Variants in KCND2 observed in about 807,000 individuals in gnomAD.
The protein encoded by KCND2 is potassium voltage-gated channel subfamily D member 2, also known as A-type voltage-gated potassium channel KCND2.
Under a neutral mutation model 54.4 loss-of-function variants are expected in KCND2, and 16 were observed. The observed-to-expected ratio is 0.29, with a 90% confidence interval of 0.20 to 0.45. The LOEUF (loss-of-function observed/expected upper bound fraction) is 0.45, where lower values mean the gene tolerates loss of function less well. Among genes scored for constraint, KCND2 ranks in the 20% least tolerant of loss-of-function variants. The pLI, the probability that KCND2 is intolerant of heterozygous loss-of-function variation, is 1.00. For synonymous variants in KCND2, 317 were observed against 310.7 expected (o/e 1.02, Z -0.21); for missense variants, 486 against 824.2 (o/e 0.59, Z 5.02).
At chr7:120,285,297 A>C (rs1376439686) in intron 1 of KCND2, among the ~76,000 whole-genome samples, 1 of 152,100 alleles carries the variant, frequency 6.6e-6, no homozygotes, top group Non-Finnish European at 1.5e-5. Flanking sequence ...ATCAAACCTG[A>C]AAATATCTCA....
chr7:120,701,395 C>T (rs1008895537), intron 1 of KCND2, among the ~76,000 whole-genome samples: 1 of 151,518 alleles, frequency 6.6e-6, no homozygotes, highest in Non-Finnish European at 1.5e-5. Flanking sequence ...GAGACTGGAA[C>T]AAGAAGCAAA....
chr7:120,301,638 AATAAT>A (rs1222652375), intron 1 of KCND2, among the ~76,000 whole-genome samples: 1 of 152,134 alleles, frequency 6.6e-6, no homozygotes, highest in Non-Finnish European at 1.5e-5. Flanking sequence ...TCTTTTGAGG[AATAAT>A]ATATTGTAAC....
intron 2 of KCND2, among the ~76,000 whole-genome samples, chr7:120,737,034 T>G: frequency 9.1e-6 from 1 of 109,950 alleles, no homozygotes; most frequent in African/African-American, 4.0e-5. Context: ...TCTGGAAAGC[T>G]TACACACACA....
intron 1 of KCND2, among the ~76,000 whole-genome samples, chr7:120,656,036 T>G (rs1465379446): frequency 1.3e-5 from 2 of 152,174 alleles, no homozygotes; most frequent in East Asian, 3.8e-4. Flanking sequence ...TCCATTTGTT[T>G]AAAATTATAT....
intron 1 of KCND2, among the ~76,000 whole-genome samples, chr7:120,443,753 C>T (rs1801978797): frequency 6.6e-6 from 1 of 151,916 alleles, no homozygotes; most frequent in Non-Finnish European, 1.5e-5. Context: ...CTTTAGTAAG[C>T]CATTCTCTCC....
intron 1 of KCND2, among the ~76,000 whole-genome samples, chr7:120,705,229 C>A (rs1364445425): frequency 6.6e-6 from 1 of 152,150 alleles, no homozygotes; most frequent in African/African-American, 2.4e-5. Context: ...GGCTACATTT[C>A]CTAAGACCTT....
intron 1 of KCND2, among the ~76,000 whole-genome samples, chr7:120,622,821 A>C (rs1489073711): frequency 6.6e-6 from 1 of 151,892 alleles, no homozygotes; most frequent in Non-Finnish European, 1.5e-5. Flanking sequence ...TATGCCCTTT[A>C]CTATCAAACT....
At chr7:120,502,131 G>A (rs1802945434) in intron 1 of KCND2, among the ~76,000 whole-genome samples, 1 of 151,986 alleles carries the variant, frequency 6.6e-6, no homozygotes, top group African/African-American at 2.4e-5. Context: ...GCCTATGGCT[G>A]TTACTGTGTT....
At chr7:120,744,507 A>G (rs1792981146) in intron 4 of KCND2, among the ~76,000 whole-genome samples, 1 of 152,168 alleles carries the variant, frequency 6.6e-6, no homozygotes, top group South Asian at 2.1e-4. Flanking sequence ...TAAGAGAAGG[A>G]AACAGATTGT....
intron 1 of KCND2, among the ~76,000 whole-genome samples, chr7:120,459,085 C>A (rs1474619655): frequency 6.6e-6 from 1 of 152,002 alleles, no homozygotes; most frequent in Non-Finnish European, 1.5e-5. Context: ...TACCTCAGAA[C>A]CTTCCAATGG....
chr7:120,336,341 C>G (rs987389313), intron 1 of KCND2, among the ~76,000 whole-genome samples: 7 of 152,118 alleles, frequency 4.6e-5, no homozygotes, highest in Non-Finnish European at 1.0e-4. Flanking sequence ...AAAATGCCAA[C>G]TTCTCTTTTT....
intron 1 of KCND2, among the ~76,000 whole-genome samples, chr7:120,713,119 T>C (rs1287807815): frequency 6.6e-6 from 1 of 152,136 alleles, no homozygotes; most frequent in Non-Finnish European, 1.5e-5. Context: ...TTATTATAAA[T>C]GTATTTTTCC....
At chr7:120,284,173 C>A (rs1799304956) in intron 1 of KCND2, among the ~76,000 whole-genome samples, 1 of 152,072 alleles carries the variant, frequency 6.6e-6, no homozygotes, top group Admixed American at 6.6e-5. Context: ...CTTTAGCATG[C>A]TGTTTCCATG....
At chr7:120,584,144 A>T (rs1792557720) in intron 1 of KCND2, among the ~76,000 whole-genome samples, 1 of 152,250 alleles carries the variant, frequency 6.6e-6, no homozygotes, top group Non-Finnish European at 1.5e-5. Flanking sequence ...TATGGAGCTC[A>T]TGCTGTAATA....
chr7:120,460,454 C>T (rs979759670), intron 1 of KCND2, among the ~76,000 whole-genome samples: 1 of 151,912 alleles, frequency 6.6e-6, no homozygotes, highest in South Asian at 2.1e-4. Context: ...AGTATCTCTT[C>T]AAGCATCAGG....
intron 1 of KCND2, among the ~76,000 whole-genome samples, chr7:120,558,725 G>A (rs987459603): frequency 3.9e-5 from 6 of 152,066 alleles, no homozygotes; most frequent in Admixed American, 6.6e-5. Context: ...TCCTTTATAG[G>A]TGGGATAATT....
intron 1 of KCND2, among the ~76,000 whole-genome samples, chr7:120,322,926 A>G (rs1445110592): frequency 6.6e-6 from 1 of 152,160 alleles, no homozygotes; most frequent in African/African-American, 2.4e-5. Context: ...TGCTTTAATT[A>G]TAATTTTCTG....
At chr7:120,379,785 C>A (rs1800888820) in intron 1 of KCND2, among the ~76,000 whole-genome samples, 1 of 152,026 alleles carries the variant, frequency 6.6e-6, no homozygotes, top group Non-Finnish European at 1.5e-5. Flanking sequence ...CTGCTGTGGC[C>A]AACTGAAAGA....
rs77429279 is a variant in KCND2, at chr7:120,559,650, G to A, written c.1116-173253G>A. Among the ~76,000 whole-genome samples, 9 of 152,262 alleles carry A rather than the reference G, an allele frequency of 5.9e-5. No individual in the cohort carries two copies. The East Asian group carries it at 1.4e-3, about 23-fold the overall frequency. On this transcript the variant is annotated intron_variant, in intron 1 of 5. Transcript: ENST00000331113. ...TTTATACTCAGGAGGAAATGAAACA[G>A]CATGTTTGAAATTCTAATTCTATTG...
Sources: gnomAD v4.1 joint callset for allele counts (sites outside exome capture counted in the v4.1 genomes callset) on GRCh38, gnomAD v4.1.1 for gene constraint, MANE v1.5 for transcripts, NCBI Gene and HGNC (gene_info 2026-07-23, HGNC 2026-07-21) for gene names.